TPI1: variants seen among roughly 807,000 people sequenced by gnomAD.
TPI1 encodes triosephosphate isomerase.
A neutral mutation model predicts 31.0 loss-of-function variants in TPI1; 11 were observed. That is an observed-to-expected ratio of 0.36 (90% confidence interval 0.22 to 0.59). The LOEUF is 0.59. TPI1 is among the 20% of genes least tolerant of loss of function. The probability of loss-of-function intolerance (pLI) is 0.79; values close to 1 mark genes in which losing one functional copy is unlikely to be tolerated. For synonymous variants in TPI1, 121 were observed against 122.8 expected (o/e 0.99, Z 0.10); for missense variants, 245 against 319.7 (o/e 0.77, Z 1.78).
In TPI1 at chr12:6,870,017, AAGGTCTTACTTAGGCCAGCTTCTTGTTCT is replaced by A. The variant is rs1555132466; in HGVS notation, c.544-28_544del. The A allele has an allele frequency of 1.2e-6, 2 of 1,612,470 alleles. No homozygotes were observed. ...GATTTTTCCTCTTAGAGAGGCAGAAAAGGTCTTACTTAGGCCAGCTTCTTGTTCTAGGCCCAGGAAGTACACGAGAAGCT... is the reference window on the plus strand; with the variant it reads ...GATTTTTCCTCTTAGAGAGGCAGAAAAGGCCCAGGAAGTACACGAGAAGCT... On this transcript the variant is annotated splice_region_variant and splice_polypyrimidine_tract_variant and intron_variant, in intron 5 of 6. Coordinates refer to ENST00000396705, the MANE Select transcript of TPI1 (RefSeq NM_000365.6).
At chr12:6,868,725 C>T (rs1944513725) in intron 1 of TPI1, 139 bp from the exon 2 acceptor site, 4 of 1,441,534 alleles carry the variant, frequency 2.8e-6, no homozygotes, top group Admixed American at 3.9e-5. Context: ...CAAAGGTCAT[C>T]TTGCTGGGGT....
chr12:6,869,308 C>A lies in TPI1; in HGVS notation c.375C>A (p.Ile125=), dbSNP rs141765645. 1.9e-6 allele frequency: 3 copies of A among 1,614,030 alleles called. No individual in the cohort carries two copies. The highest frequency in any genetic ancestry group is 4.5e-5 in the East Asian group (2 of 44,886). Residue 125 remains isoleucine (I), a synonymous_variant, in exon 4 of 7, where the codon ATC becomes ATA. Transcript: ENST00000396705. ...CTCTGGCAGAGGGACTCGGAGTAAT[C>A]GCCTGCATTGGGGAGAAGCTAGATG... The part of the protein sequence containing the change: ...AHALAEGLGV[I]ACIGEKLDER...
intron 1 of TPI1, 172 bp from the exon 2 acceptor site, chr12:6,868,692 C>A: frequency 7.3e-7 from 1 of 1,361,254 alleles, no homozygotes; most frequent in South Asian, 1.3e-5. Flanking sequence ...TGAGTGCAGA[C>A]CCAGCCTGGG....
Position 6,868,956 on chromosome 12 carries a change from G to T in TPI1, c.208G>T (p.Val70Leu). 6.2e-7 allele frequency: 1 copy of T among 1,614,222 alleles called. No individual in the cohort carries two copies. Among genetic ancestry groups the T allele is most frequent in the South Asian group, 1.1e-5 (1 of 91,090 alleles). ...TGTGGCTGCGCAGAACTGCTACAAA[G>T]TGACTAATGGGGCTTTTACTGGGGA... ...IAVAAQNCYKVTNGAFTGEIS... is the reference protein window; with the variant it reads ...IAVAAQNCYKLTNGAFTGEIS... The change falls in exon 2 of 7, where the codon GTG becomes TTG. Residue 70 changes from valine (V) to leucine (L), a missense_variant. Physicochemically the swap from Val to Leu is conservative, Grantham distance 32 (BLOSUM62 1). This residue lies in a region of TPI1 where 95 missense variants were observed against 96.4 expected (regional missense o/e 0.99). Transcript: ENST00000396705.
At position 6,870,701 on chromosome 12, in the gene TPI1, C is replaced by T. The variant is rs1804540; in HGVS notation, c.*318C>T. ...TAGTGAGGGCAGAAGAGAAACCATC[C>T]TCTCCCTTCTTACACCGTGAGGCCA... is the stretch of plus-strand genomic sequence containing the variant. On this transcript the variant is annotated 3_prime_UTR_variant, in exon 7 of 7. Transcript: ENST00000396705. 23 of 580,104 alleles carry T rather than the reference C, an allele frequency of 4.0e-5. No homozygotes were observed. The highest frequency in any genetic ancestry group is 3.2e-4 in the Admixed American group (17 of 52,556). 35.9% of individuals were successfully genotyped at this position (580,104 alleles called of 1,614,324 possible). A position where few individuals can be genotyped will look rare whatever the true frequency, so the allele number is the denominator to read the frequency against.
chr12:6,867,531 G>C lies in TPI1; in HGVS notation c.-36G>C. The C allele has an allele frequency of 6.2e-7, 1 of 1,605,436 alleles. No individual in the cohort carries two copies. On this transcript the variant is annotated 5_prime_UTR_variant, in exon 1 of 7. Coordinates refer to ENST00000396705, the MANE Select transcript of TPI1 (RefSeq NM_000365.6). Reference sequence around the variant, plus strand: ...AAGTGGGCAGTGGCCGCGACTGCGCGCAGACACTGACCTTCAGCGCCTCGG... The same window carrying C: ...AAGTGGGCAGTGGCCGCGACTGCGCCCAGACACTGACCTTCAGCGCCTCGG...
At position 6,869,183 on chromosome 12, in the gene TPI1, G is replaced by A. The variant is rs782108587; in HGVS notation, c.324G>A (p.Glu108=). 2 of 1,614,184 alleles carry A rather than the reference G, an allele frequency of 1.2e-6. No homozygotes were observed. Among genetic ancestry groups the A allele is most frequent in the South Asian group, 2.2e-5 (2 of 91,074 alleles). Residue 108 remains glutamate (E), a splice_region_variant and synonymous_variant, in exon 3 of 7, where the codon GAG becomes GAA. Coordinates refer to ENST00000396705, the MANE Select transcript of TPI1 (RefSeq NM_000365.6). The part of the protein sequence containing the change: ...ERRHVFGESD[E]LIGQKVAHAL... The stretch of plus-strand genomic sequence containing the variant: ...GGCATGTCTTTGGGGAGTCAGATGA[G>A]GTTAGTAGCCAAGAGAGAAGATAAG...
At chr12:6,867,520 C>T (rs370795160), upstream of TPI1, 4 of 1,594,822 alleles carry the variant, frequency 2.5e-6, no homozygotes, top group Non-Finnish European at 3.4e-6. Flanking sequence ...GGGCAGTGGC[C>T]GCGACTGCGC....
chr12:6,867,723 G>A, intron 1 of TPI1, 42 bp downstream of exon 1: 3 of 1,556,466 alleles, frequency 1.9e-6, no homozygotes, highest in Non-Finnish European at 1.7e-6. Context: ...GCCGGGGCCG[G>A]GGCCGGGGCA....
intron 5 of TPI1, 102 bp downstream of exon 5, chr12:6,869,875 C>A: frequency 6.8e-7 from 1 of 1,461,964 alleles, no homozygotes; most frequent in Non-Finnish European, 9.6e-7. Context: ...GACACAGAGA[C>A]CTTGAACCCA....
chr12:6,868,007 G>C, intron 1 of TPI1: 2 of 1,156,286 alleles, frequency 1.7e-6, no homozygotes, highest in Non-Finnish European at 2.2e-6. Flanking sequence ...GGAGCCCGAG[G>C]CTCTGCGGGA....
chr12:6,868,937 T>A lies in TPI1; in HGVS notation c.189T>A (p.Ala63=). Reference sequence around the variant, plus strand: ...AGCTAGATCCCAAGATTGCTGTGGCTGCGCAGAACTGCTACAAAGTGACTA... The same window carrying A: ...AGCTAGATCCCAAGATTGCTGTGGCAGCGCAGAACTGCTACAAAGTGACTA... ...RQKLDPKIAV[A]AQNCYKVTNG... Residue 63 remains alanine, a synonymous_variant, in exon 2 of 7, where the codon GCT becomes GCA. Transcript: ENST00000396705. 2 of 1,614,188 alleles carry A rather than the reference T, an allele frequency of 1.2e-6. No homozygotes were observed. The highest frequency in any genetic ancestry group is 2.7e-5 in the African/African-American group (2 of 75,052).
At chr12:6,867,751 TCCCGAGGCCCCGAGGC>T in intron 1 of TPI1, 70 bp downstream of exon 1, 5 of 1,439,298 alleles carry the variant, frequency 3.5e-6, no homozygotes, top group Middle Eastern at 2.1e-4. Flanking sequence ...CAGCGCCCTC[TCCCGAGGCCCCGAGGC>T]CCCGAGGCCG....
In TPI1 at chr12:6,870,480, T is replaced by C. The variant is rs782201360; in HGVS notation, c.*97T>C. 2.2e-6 allele frequency: 2 copies of C among 919,824 alleles called. No homozygotes were observed. The highest frequency in any genetic ancestry group is 3.7e-6 in the Non-Finnish European group (2 of 547,178). The allele number at this position is 919,824 out of a possible 1,614,324, so 57.0% of individuals were successfully genotyped here. A position where few individuals can be genotyped will look rare whatever the true frequency, so the allele number is the denominator to read the frequency against. ...TTCCCTGCATATGCTTCTGATGGTG[T>C]CATCTGCTCCTTCCTGTGGCCTCAT... On this transcript the variant is annotated 3_prime_UTR_variant, in exon 7 of 7. Coordinates refer to ENST00000396705, the MANE Select transcript of TPI1 (RefSeq NM_000365.6).
intron 1 of TPI1, chr12:6,868,054 C>T: frequency 1.6e-6 from 2 of 1,228,386 alleles, no homozygotes; most frequent in Non-Finnish European, 2.1e-6. Context: ...CTTCCCGCTC[C>T]CTGCGCCCTG....
At position 6,870,061 on chromosome 12, in the gene TPI1, C is replaced by T; in HGVS notation, c.556C>T (p.His186Tyr). ...CTTCTTGTTCTAGGCCCAGGAAGTA[C>T]ACGAGAAGCTCCGAGGATGGCTGAA... ...TATPQQAQEV[H>Y]EKLRGWLKSN... The change falls in exon 6 of 7, where the codon CAC (histidine) becomes TAC (tyrosine). Residue 186 changes from histidine to tyrosine, a missense_variant. This residue lies in a region of TPI1 where 127 missense variants were observed against 163.7 expected (regional missense o/e 0.78). Transcript: ENST00000396705. 6.2e-7 allele frequency: 1 copy of T among 1,614,222 alleles called. No individual in the cohort carries two copies. The highest frequency in any genetic ancestry group is 1.3e-5 in the African/African-American group (1 of 75,046).
At chr12:6,867,734 G>A (rs1944489228) in intron 1 of TPI1, 53 bp downstream of exon 1, 1 of 1,516,316 alleles carries the variant, frequency 6.6e-7, no homozygotes, top group Non-Finnish European at 8.8e-7. Flanking sequence ...GGCCGGGGCA[G>A]GAGTGGCAGC....
At chr12:6,869,041 G>T in intron 2 of TPI1, 54 bp downstream of exon 2, 2 of 1,614,096 alleles carry the variant, frequency 1.2e-6, no homozygotes, top group Non-Finnish European at 1.7e-6. Flanking sequence ...TTTCCTCGTT[G>T]AGGGGAAAGC....
chr12:6,870,717 C>T lies in TPI1; in HGVS notation c.*334C>T, dbSNP rs782607948. On this transcript the variant is annotated 3_prime_UTR_variant, in exon 7 of 7. Coordinates refer to ENST00000396705, the MANE Select transcript of TPI1 (RefSeq NM_000365.6). ...GAAACCATCCTCTCCCTTCTTACAC[C>T]GTGAGGCCAAGATCCCCTCAGAAGG... The T allele has an allele frequency of 8.9e-6, 5 of 561,106 alleles. No individual in the cohort carries two copies. Among genetic ancestry groups the T allele is most frequent in the South Asian group, 4.3e-5 (3 of 70,264 alleles). The allele number at this position is 561,106 out of a possible 1,614,324, so 34.8% of individuals were successfully genotyped here.
Sources: allele counts gnomAD v4.1 joint callset, GRCh38; gene constraint gnomAD v4.1.1; regional missense constraint gnomAD v4.1.1; transcripts MANE v1.5; gene names NCBI Gene and HGNC (gene_info 2026-07-23, HGNC 2026-07-21).